Variants in PDK2 observed in about 807,000 individuals in gnomAD.
PDK2 encodes the protein pyruvate dehydrogenase kinase 2, also known as pyruvate dehydrogenase kinase, isozyme 2.
A neutral mutation model predicts 50.4 loss-of-function variants in PDK2; 34 were observed. The observed-to-expected ratio is 0.68, with a 90% confidence interval of 0.51 to 0.90. PDK2 has a LOEUF of 0.90. Among genes scored for constraint, PDK2 ranks in the 40% least tolerant of loss-of-function variants. The pLI is 0.00. For synonymous variants in PDK2, 232 were observed against 216.0 expected, an observed-to-expected ratio of 1.07 and a Z score of -0.65; for missense variants, 377 against 544.5, an observed-to-expected ratio of 0.69 and a Z score of 3.06.
In PDK2 at chr17:50,110,124, G is replaced by A. The variant is rs999781277; in HGVS notation, c.*27G>A. 9.6e-6 allele frequency: 15 copies of A among 1,564,694 alleles called. No homozygotes were observed. The East Asian group carries it at 2.1e-4, about 22-fold the overall frequency. ...GGCCGCCGTGCATCTGCACCTGAGA[G>A]GACGGACTGCCGCCTCTGGGTCCCC... On this transcript the variant is annotated 3_prime_UTR_variant, in exon 11 of 11. Transcript: ENST00000503176.
Position 50,110,225 on chromosome 17 carries a change from T to C in PDK2, c.*128T>C. 2 of 1,031,098 alleles carry C rather than the reference T, an allele frequency of 1.9e-6. No individual in the cohort carries two copies. Among genetic ancestry groups the C allele is most frequent in the Non-Finnish European group, 2.7e-6 (2 of 731,050 alleles). 63.9% of individuals were successfully genotyped at this position (1,031,098 alleles called of 1,614,324 possible). ...CCCTGATGACCAGGTTCTGTCTCTA[T>C]GGAAGTCACTGCGGTGATAGGTCTG... On this transcript the variant is annotated 3_prime_UTR_variant, in exon 11 of 11. Transcript: ENST00000503176.
At position 50,105,946 on chromosome 17, in the gene PDK2, C is replaced by T; in HGVS notation, c.394C>T (p.Gln132Ter). 6.2e-7 allele frequency: 1 copy of T among 1,613,492 alleles called. No individual in the cohort carries two copies. Among genetic ancestry groups the T allele is most frequent in the East Asian group, 2.2e-5 (1 of 44,868 alleles). ...RHNDVVPTMA[Q>*]GVLEYKDTYG... ...CAACGACGTGGTGCCCACCATGGCACAAGGCGTGCTTGAGTACAAGGACAC... is the reference window on the plus strand; with the variant it reads ...CAACGACGTGGTGCCCACCATGGCATAAGGCGTGCTTGAGTACAAGGACAC... Residue 132 changes from glutamine (Q) to a stop codon, truncating the protein, a stop_gained, in exon 4 of 11, where the codon CAA (glutamine) becomes TAA (stop). Coordinates refer to ENST00000503176, the MANE Select transcript of PDK2 (RefSeq NM_002611.5). LOFTEE classifies it high-confidence loss of function.
intron 1 of PDK2, chr17:50,096,150 T>C: frequency 1.0e-6 from 1 of 985,626 alleles, no homozygotes; most frequent in South Asian, 4.7e-5. Flanking sequence ...GGACCCTAGC[T>C]GCCCCAGTGG....
chr17:50,107,190 G>A (rs1910562454), intron 6 of PDK2, 37 bp downstream of exon 6: 4 of 1,575,810 alleles, frequency 2.5e-6, no homozygotes, highest in Non-Finnish European at 3.5e-6. Flanking sequence ...CTGTCTTGGG[G>A]CTGGGGACGT....
chr17:50,108,144 C>G lies in PDK2; in HGVS notation c.686-12C>G. Reference sequence around the variant, plus strand: ...ACGGTTTCCTGACCCTTGGTCTTGACTTGCCCTGTAGCAGCCAACTCCAAA... The same window carrying G: ...ACGGTTTCCTGACCCTTGGTCTTGAGTTGCCCTGTAGCAGCCAACTCCAAA... On this transcript the variant is annotated splice_polypyrimidine_tract_variant and intron_variant, in intron 6 of 10. Transcript: ENST00000503176. 1 of 1,582,920 alleles carries G rather than the reference C, an allele frequency of 6.3e-7. No individual in the cohort carries two copies. Among genetic ancestry groups the G allele is most frequent in the East Asian group, 2.3e-5 (1 of 44,176 alleles).
At chr17:50,104,400 A>T (rs972582415) in intron 2 of PDK2, 1 of 152,198 alleles carries the variant, frequency 6.6e-6, no homozygotes, top group Admixed American at 6.5e-5. Context: ...ACAGGCGTGC[A>T]CCACCATGCC....
chr17:50,095,653 G>T, intron 1 of PDK2, 100 bp downstream of exon 1: 1 of 1,490,134 alleles, frequency 6.7e-7, no homozygotes, highest in South Asian at 1.3e-5. Flanking sequence ...GGCCCCGAGT[G>T]ACAGAGAAGG....
rs1909886845 is a variant in PDK2, at chr17:50,095,524, C to T, written c.89C>T (p.Pro30Leu). The T allele has an allele frequency of 1.9e-6, 3 of 1,607,024 alleles. No individual in the cohort carries two copies. Among genetic ancestry groups the T allele is most frequent in the Non-Finnish European group, 2.5e-6 (3 of 1,176,956 alleles). The change falls in exon 1 of 11, where the codon CCG (proline) becomes CTG (leucine). Residue 30 changes from proline to leucine, a missense_variant. By Grantham distance (98) the Pro-to-Leu change is moderately conservative. Coordinates refer to ENST00000503176, the MANE Select transcript of PDK2 (RefSeq NM_002611.5). ...CACTTCAGCAAGTTCTCCCCGTCCC[C>T]GCTGTCCATGAAGCAGTTTCTGGAC... ...IEHFSKFSPS[P>L]LSMKQFLDFG...
chr17:50,097,591 C>A, intron 2 of PDK2, 27 bp downstream of exon 2: 1 of 1,607,746 alleles, frequency 6.2e-7, no homozygotes, highest in East Asian at 2.2e-5. Context: ...AGTCCCTGCA[C>A]CTCCCACTCC....
intron 9 of PDK2, 64 bp downstream of exon 9, chr17:50,108,783 C>G (rs1186014646): frequency 1.0e-6 from 1 of 960,018 alleles, no homozygotes; most frequent in Non-Finnish European, 1.6e-6. Flanking sequence ...CACTCACTTC[C>G]TTATCTCCCT....
At position 50,110,220 on chromosome 17, in the gene PDK2, C is replaced by A; in HGVS notation, c.*123C>A. 1 of 1,119,274 alleles carries A rather than the reference C, an allele frequency of 8.9e-7. No homozygotes were observed. The highest frequency in any genetic ancestry group is 1.2e-6 in the Non-Finnish European group (1 of 806,654). The allele number at this position is 1,119,274 out of a possible 1,614,324, so 69.3% of individuals were successfully genotyped here. ...GTTCTCCCTGATGACCAGGTTCTGT[C>A]TCTATGGAAGTCACTGCGGTGATAG... On this transcript the variant is annotated 3_prime_UTR_variant, in exon 11 of 11. Coordinates refer to ENST00000503176, the MANE Select transcript of PDK2 (RefSeq NM_002611.5).
At chr17:50,103,304 A>G (rs1401037400) in intron 2 of PDK2, among the ~76,000 whole-genome samples, 1 of 152,084 alleles carries the variant, frequency 6.6e-6, no homozygotes, top group Non-Finnish European at 1.5e-5. Flanking sequence ...TGGGCCTGAG[A>G]CAGCCCCCTT....
upstream of PDK2, chr17:50,095,334 G>C: frequency 2.6e-6 from 2 of 777,378 alleles, no homozygotes; most frequent in Non-Finnish European, 4.1e-6. Flanking sequence ...TGCCCGCCAG[G>C]GCAAGGGTAG....
intron 2 of PDK2, chr17:50,099,030 G>A (rs1910087970): frequency 6.6e-6 from 1 of 152,216 alleles, no homozygotes; most frequent in Non-Finnish European, 1.5e-5. Flanking sequence ...AAGGGGTGGA[G>A]GCATGAGGCA....
chr17:50,105,306 T>G, intron 2 of PDK2, 65 bp from the exon 3 acceptor site: 1 of 1,228,496 alleles, frequency 8.1e-7, no homozygotes, highest in Non-Finnish European at 1.1e-6. Flanking sequence ...CCCAGTTGAA[T>G]GAAGTGGGTG....
chr17:50,100,837 G>A (rs1386904854), intron 2 of PDK2: 4 of 152,240 alleles, frequency 2.6e-5, no homozygotes, highest in Non-Finnish European at 4.4e-5. Flanking sequence ...CCAGCTGTTG[G>A]ATTTGGAGAC....
At chr17:50,107,914 C>T in intron 6 of PDK2, 2 of 550,146 alleles carry the variant, frequency 3.6e-6, no homozygotes, top group South Asian at 2.0e-5. Context: ...TGGCTCCCCA[C>T]CCCTGATTCA....
At chr17:50,107,893 C>T (rs186002585) in intron 6 of PDK2, 149 of 508,726 alleles carry the variant, frequency 2.9e-4, no homozygotes, top group Non-Finnish European at 4.7e-4. Flanking sequence ...CCTTGCTGGA[C>T]AGGTCAGGGC....
intron 1 of PDK2, 70 bp downstream of exon 1, chr17:50,095,623 G>A (rs1457986492): frequency 2.0e-6 from 3 of 1,504,252 alleles, no homozygotes; most frequent in Non-Finnish European, 2.7e-6. Flanking sequence ...CCGGGGGCTA[G>A]GGGGACGGAG....
Sources: allele counts gnomAD v4.1 joint callset (sites outside exome capture counted in the v4.1 genomes callset), GRCh38; gene constraint gnomAD v4.1.1; transcripts MANE v1.5; gene names NCBI Gene and HGNC (gene_info 2026-07-23, HGNC 2026-07-21).